Variants in EZH2 observed in about 807,000 individuals in gnomAD.
The protein encoded by EZH2 is histone-lysine N-methyltransferase EZH2.
Under a neutral mutation model 98.4 loss-of-function variants are expected in EZH2, and 18 were observed. The ratio of observed to expected loss-of-function variants is 0.18; its 90% CI spans 0.13 to 0.27. The LOEUF is 0.27. Ranked by LOEUF, EZH2 falls within the 10% of genes least tolerant of loss-of-function variation. The pLI is 1.00. For missense variants in EZH2, 470 were observed against 935.1 expected, an observed-to-expected ratio of 0.50 and a Z score of 6.49; for synonymous variants, 338 against 312.3, an observed-to-expected ratio of 1.08 and a Z score of -0.87.
chr7:148,822,932 A>T (rs866537914), intron 8 of EZH2, among the ~76,000 whole-genome samples: 25 of 152,306 alleles, frequency 1.6e-4, no homozygotes, highest in Middle Eastern at 3.4e-3. Flanking sequence ...ACAGAGCGAG[A>T]CCCGTCTCAC....
At chr7:148,823,313 A>G (rs763867665) in intron 8 of EZH2, among the ~76,000 whole-genome samples, 3 of 152,224 alleles carry the variant, frequency 2.0e-5, no homozygotes, top group Non-Finnish European at 2.9e-5. Context: ...GTTACAGCAT[A>G]AGGCTCAAAA....
At chr7:148,809,451 AT>A in intron 17 of EZH2, 61 bp from the exon 18 acceptor site, 1 of 1,382,090 alleles carries the variant, frequency 7.2e-7, no homozygotes. Context: ...AAACCAAGTT[AT>A]TATGATTTTG....
chr7:148,835,945 TG>T (rs1341453348), intron 3 of EZH2, among the ~76,000 whole-genome samples: 1 of 152,224 alleles, frequency 6.6e-6, no homozygotes, highest in African/African-American at 2.4e-5. Context: ...AAAGAACTTA[TG>T]GAAGCACAGA....
At chr7:148,853,572 C>T (rs558433370) in intron 1 of EZH2, among the ~76,000 whole-genome samples, 6 of 152,328 alleles carry the variant, frequency 3.9e-5, no homozygotes, top group African/African-American at 1.4e-4. Context: ...CCTAACGGGC[C>T]ACAGACGGGT....
chr7:148,833,374 G>A (rs1443970741), intron 3 of EZH2, among the ~76,000 whole-genome samples: 2 of 151,506 alleles, frequency 1.3e-5, no homozygotes, highest in Non-Finnish European at 2.9e-5. Flanking sequence ...GGAGAATGGC[G>A]TGAACCCGGG....
intron 4 of EZH2, among the ~76,000 whole-genome samples, chr7:148,830,796 T>C (rs927486939): frequency 2.0e-5 from 3 of 152,206 alleles, no homozygotes; most frequent in Admixed American, 6.5e-5. Flanking sequence ...GTAAAGAAAG[T>C]TGACATTCAT....
intron 8 of EZH2, among the ~76,000 whole-genome samples, chr7:148,825,032 G>T (rs11769626): frequency 0.021 from 3,263 of 152,142 alleles, 66 homozygotes; most frequent in Middle Eastern, 0.034. Flanking sequence ...TAAAAGTAGT[G>T]TCCTACTTCT....
chr7:148,851,495 G>T (rs1041298625), intron 1 of EZH2, among the ~76,000 whole-genome samples: 1 of 152,066 alleles, frequency 6.6e-6, no homozygotes, highest in Non-Finnish European at 1.5e-5. Context: ...CACAACAAAC[G>T]ACTGGCTCAA....
Position 148,819,485 on chromosome 7 carries a change from A to G in EZH2, c.999+111T>C. On this transcript the variant is annotated intron_variant, in intron 9 of 19. Coordinates refer to ENST00000320356, the MANE Select transcript of EZH2 (RefSeq NM_004456.5). ...TGGGTGAGAAAGCTCTGTCTATCAT[A>G]TGGCCCATAACAGCATGGGTGCAGA... is the stretch of plus-strand genomic sequence containing the variant. 7.7e-6 allele frequency: 6 copies of G among 776,848 alleles called. No individual in the cohort carries two copies. In the Admixed American group the frequency reaches 1.4e-4, roughly 19 times the overall value. The allele number at this position is 776,848 out of a possible 1,614,324, so 48.1% of individuals were successfully genotyped here.
At chr7:148,834,166 A>G (rs1810204208) in intron 3 of EZH2, among the ~76,000 whole-genome samples, 1 of 152,032 alleles carries the variant, frequency 6.6e-6, no homozygotes, top group Non-Finnish European at 1.5e-5. Context: ...TGCCTAAATA[A>G]CCACAGCACT....
chr7:148,817,562 G>A (rs1213947380), intron 10 of EZH2, 171 bp from the exon 11 acceptor site: 15 of 695,060 alleles, frequency 2.2e-5, no homozygotes, highest in South Asian at 8.1e-5. Context: ...CTCACAGAAC[G>A]TCAAGAATAT....
Position 148,814,175 on chromosome 7 carries a change from G to T in EZH2, c.1673-38C>A, listed in dbSNP as rs141240077. The T allele has an allele frequency of 1.1e-5, 17 of 1,594,772 alleles. No homozygotes were observed. The East Asian group carries it at 3.6e-4, about 34-fold the overall frequency. On this transcript the variant is annotated intron_variant, in intron 14 of 19. Transcript: ENST00000320356. The stretch of plus-strand genomic sequence containing the variant: ...GTTTGGAGGTTCTTCACTCATCACC[G>T]TATGCAAAAACTTGCAGAAAGATAC...
chr7:148,815,404 T>C (rs754277365), intron 13 of EZH2, 102 bp downstream of exon 13: 92 of 1,234,186 alleles, frequency 7.5e-5, no homozygotes, highest in Non-Finnish European at 1.0e-4. Context: ...AAGGCAATTA[T>C]ATTAGAATAA....
chr7:148,815,497 G>C lies in EZH2; in HGVS notation c.1546+9C>G. 2 of 1,613,266 alleles carry C rather than the reference G, an allele frequency of 1.2e-6. No individual in the cohort carries two copies. Among genetic ancestry groups the C allele is most frequent in the Non-Finnish European group, 1.7e-6 (2 of 1,179,176 alleles). ...AAGCTAATAATGAGAGGAATGGAAA[G>C]ATGCTAACCCTTTTTCAGCTGTATC... On this transcript the variant is annotated intron_variant, in intron 13 of 19. Coordinates refer to ENST00000320356, the MANE Select transcript of EZH2 (RefSeq NM_004456.5).
intron 18 of EZH2, 29 bp downstream of exon 18, chr7:148,809,281 G>T: frequency 6.3e-7 from 1 of 1,593,662 alleles, no homozygotes. Context: ...TGAAAAGGGA[G>T]TTCCAATTCT....
At chr7:148,811,588 T>C (rs1190938454) in intron 16 of EZH2, 37 bp downstream of exon 16, 10 of 1,529,698 alleles carry the variant, frequency 6.5e-6, no homozygotes, top group Non-Finnish European at 9.0e-6. Flanking sequence ...AGTTAGTATA[T>C]ACAATGCCAC....
chr7:148,868,557 G>A (rs73158281), intron 1 of EZH2, among the ~76,000 whole-genome samples: 25,351 of 152,132 alleles, frequency 0.17, 2,251 homozygotes, highest in East Asian at 0.25. Flanking sequence ...CAACTTTGGG[G>A]ATTACAATTT....
chr7:148,869,338 CTTTTTTTTTT>C (rs143589780), intron 1 of EZH2, among the ~76,000 whole-genome samples: 1 of 80,290 alleles, frequency 1.2e-5, no homozygotes, highest in African/African-American at 4.8e-5. Context: ...CAGCAATAGC[CTTTTTTTTTT>C]TTTTTTTTTT....
chr7:148,880,277 G>C (rs1820775689), intron 1 of EZH2, among the ~76,000 whole-genome samples: 1 of 152,168 alleles, frequency 6.6e-6, no homozygotes, highest in African/African-American at 2.4e-5. Flanking sequence ...TTAAAAGAAT[G>C]ATGAAAAGCA....
Sources: gnomAD v4.1 joint callset for allele counts (sites outside exome capture counted in the v4.1 genomes callset) on GRCh38, gnomAD v4.1.1 for gene constraint, MANE v1.5 for transcripts, NCBI Gene and HGNC (gene_info 2026-07-23, HGNC 2026-07-21) for gene names.